SLC35D4: variants seen among roughly 807,000 people sequenced by gnomAD.
SLC35D4 encodes the protein UDP-N-acetylglucosamine transporter SLC35D4.
the SLC35D4 span, among the ~76,000 whole-genome samples, chr18:23,415,725 T>C: frequency 2.6e-5 from 4 of 152,242 alleles, no homozygotes; most frequent in East Asian, 1.9e-4. Flanking sequence ...GTAACTGCCA[T>C]GTATTGACAA....
At chr18:23,273,115 C>T in the SLC35D4 span, among the ~76,000 whole-genome samples, 1 of 152,240 alleles carries the variant, frequency 6.6e-6, no homozygotes, top group East Asian at 1.9e-4. Flanking sequence ...AAGAAAGAAG[C>T]CACGTTTTTG....
At chr18:23,304,253 G>T in the SLC35D4 span, among the ~76,000 whole-genome samples, 32 of 147,742 alleles carry the variant, frequency 2.2e-4, no homozygotes, top group African/African-American at 7.5e-4. Context: ...CTCCAGCCTG[G>T]GTGACAGAGT....
the SLC35D4 span, among the ~76,000 whole-genome samples, chr18:23,247,407 A>ACACTCT: frequency 1.8e-4 from 27 of 152,242 alleles, no homozygotes; most frequent in African/African-American, 6.5e-4. Context: ...GGGCTGGTGC[A>ACACTCT]GAGCAGTGGC....
chr18:23,410,421 T>C, the SLC35D4 span, among the ~76,000 whole-genome samples: 775 of 148,912 alleles, frequency 5.2e-3, 11 homozygotes, highest in African/African-American at 0.018. Context: ...GAGCTTGCAG[T>C]GAGCCGAGAT....
chr18:23,343,610 T>C, the SLC35D4 span, among the ~76,000 whole-genome samples: 9 of 152,262 alleles, frequency 5.9e-5, no homozygotes, highest in South Asian at 1.9e-3. Context: ...AGGTTTGTTA[T>C]ATAGGTAAAT....
chr18:23,354,842 C>T, the SLC35D4 span, among the ~76,000 whole-genome samples: 1 of 152,210 alleles, frequency 6.6e-6, no homozygotes, highest in Non-Finnish European at 1.5e-5. Flanking sequence ...CGCTTAACTT[C>T]TATGTCTGTG....
At chr18:23,252,901 T>C in the SLC35D4 span, 27 of 1,192,890 alleles carry the variant, frequency 2.3e-5, no homozygotes, top group Non-Finnish European at 3.4e-5. Context: ...AGTTGGTGCA[T>C]AATTATTACA....
the SLC35D4 span, among the ~76,000 whole-genome samples, chr18:23,410,714 T>C: frequency 5.3e-5 from 8 of 150,788 alleles, no homozygotes; most frequent in African/African-American, 1.7e-4. Context: ...CGATAATTGC[T>C]TGAACCTGAG....
chr18:23,356,216 G>A, the SLC35D4 span, among the ~76,000 whole-genome samples: 73 of 152,306 alleles, frequency 4.8e-4, no homozygotes, highest in African/African-American at 1.6e-3. This position sits in a 1 kb window ranked among gnomAD's most constrained non-coding sequence, Gnocchi z 4.1. Context: ...AAAGCTGAGC[G>A]GGTGGGATTC....
chr18:23,259,977 T>C, the SLC35D4 span: 4 of 122,950 alleles, frequency 3.3e-5, no homozygotes, highest in Non-Finnish European at 7.2e-5. Flanking sequence ...TTCTGCCTGA[T>C]TCCTTTTCCC....
At chr18:23,357,947 A>G in the SLC35D4 span, among the ~76,000 whole-genome samples, 1 of 152,172 alleles carries the variant, frequency 6.6e-6, no homozygotes, top group Non-Finnish European at 1.5e-5. Flanking sequence ...CTACTGTCAA[A>G]CCGTGTTGGT....
At chr18:23,373,826 C>T in the SLC35D4 span, 11 of 1,568,592 alleles carry the variant, frequency 7.0e-6, no homozygotes, top group African/African-American at 6.8e-5. Context: ...TCCCTAAGAG[C>T]GTGGAGGTGA....
chr18:23,431,792 C>G, the SLC35D4 span, among the ~76,000 whole-genome samples: 1 of 151,946 alleles, frequency 6.6e-6, no homozygotes, highest in Non-Finnish European at 1.5e-5. Flanking sequence ...GTGTTTTATC[C>G]TTCTGGGTAT....
chr18:23,301,373 T>C, the SLC35D4 span, among the ~76,000 whole-genome samples: 2 of 152,054 alleles, frequency 1.3e-5, no homozygotes, highest in Admixed American at 1.3e-4. Flanking sequence ...CATTTTGGAG[T>C]GTGATGGGGG....
At chr18:23,432,259 G>A in the SLC35D4 span, among the ~76,000 whole-genome samples, 2 of 152,170 alleles carry the variant, frequency 1.3e-5, no homozygotes, top group Admixed American at 1.3e-4. Context: ...CAAAGATCCT[G>A]AAGCTCTTGC....
the SLC35D4 span, among the ~76,000 whole-genome samples, chr18:23,432,223 G>A: frequency 6.6e-6 from 1 of 152,176 alleles, no homozygotes; most frequent in East Asian, 1.9e-4. Context: ...TGTGTGCTTA[G>A]CTTTGGCCTA....
At chr18:23,365,707 G>C in the SLC35D4 span, 1 of 1,606,052 alleles carries the variant, frequency 6.2e-7, no homozygotes, top group Non-Finnish European at 8.5e-7. Flanking sequence ...AAGTTTCCCC[G>C]GCACCAAAAA....
the SLC35D4 span, among the ~76,000 whole-genome samples, chr18:23,249,371 G>A: frequency 3.3e-5 from 5 of 152,184 alleles, no homozygotes; most frequent in South Asian, 1.0e-3. Flanking sequence ...GGTTTAGGAG[G>A]AGGAGCCTGC....
chr18:23,372,152 G>T, the SLC35D4 span, among the ~76,000 whole-genome samples: 2 of 150,700 alleles, frequency 1.3e-5, no homozygotes, highest in Non-Finnish European at 3.0e-5. Context: ...TAGCCAGGAT[G>T]GTCTCGATCT....
Sources: allele counts gnomAD v4.1 joint callset (sites outside exome capture counted in the v4.1 genomes callset), GRCh38; gene constraint gnomAD v4.1.1; non-coding constraint Gnocchi (gnomAD v3.1); transcripts MANE v1.5; gene names NCBI Gene and HGNC (gene_info 2026-07-23, HGNC 2026-07-21).